The following CACHD1 variants were observed in gnomAD, a reference collection of about 807,000 sequenced individuals.
CACHD1 encodes the protein VWFA and cache domain-containing protein 1.
A neutral mutation model predicts 138.7 loss-of-function variants in CACHD1; 71 were observed. The ratio of observed to expected loss-of-function variants is 0.51; its 90% CI spans 0.42 to 0.62. CACHD1 has a LOEUF of 0.62. Among genes scored for constraint, CACHD1 ranks in the 20% least tolerant of loss-of-function variants. The probability of loss-of-function intolerance (pLI) is 0.00; values close to 1 mark genes in which losing one functional copy is unlikely to be tolerated. For missense variants in CACHD1, 1,389 were observed against 1,625.3 expected (o/e 0.85, Z 2.50); for synonymous variants, 578 against 591.5 (o/e 0.98, Z 0.33).
At chr1:64,532,476 G>A (rs180750962) in intron 1 of CACHD1, among the ~76,000 whole-genome samples, 1 of 152,302 alleles carries the variant, frequency 6.6e-6, no homozygotes, top group East Asian at 1.9e-4. Context: ...GAGGCCTGGA[G>A]GTAGGCTGGG....
At chr1:64,619,464 A>G (rs1647830296) in intron 4 of CACHD1, among the ~76,000 whole-genome samples, 1 of 152,228 alleles carries the variant, frequency 6.6e-6, no homozygotes, top group African/African-American at 2.4e-5. Flanking sequence ...GATGGAGGAA[A>G]TAGAGCTTGT....
intron 11 of CACHD1, 105 bp from the exon 12 acceptor site, chr1:64,654,581 C>T (rs910199309): frequency 1.9e-5 from 14 of 751,394 alleles, no homozygotes; most frequent in Middle Eastern, 2.4e-4. Context: ...CTTTGGTATT[C>T]GAAATCAGGA....
At chr1:64,665,947 G>C in intron 15 of CACHD1, 110 bp from the exon 16 acceptor site, 2 of 521,302 alleles carry the variant, frequency 3.8e-6, no homozygotes, top group East Asian at 7.0e-5. Flanking sequence ...GGAGCTTGCA[G>C]TGAGCTGAGA....
chr1:64,555,613 G>C (rs1646791359), intron 2 of CACHD1, among the ~76,000 whole-genome samples: 1 of 152,010 alleles, frequency 6.6e-6, no homozygotes, highest in African/African-American at 2.4e-5. Flanking sequence ...TAGAGATGGG[G>C]TTTTGCCATG....
intron 21 of CACHD1, 79 bp from the exon 22 acceptor site, chr1:64,676,816 A>ACTG: frequency 9.1e-7 from 1 of 1,097,470 alleles, no homozygotes; most frequent in Non-Finnish European, 1.4e-6. Context: ...AATCTGTCTG[A>ACTG]CTGCTGTTAA....
intron 4 of CACHD1, among the ~76,000 whole-genome samples, chr1:64,614,962 C>T (rs1294297829): frequency 6.6e-6 from 1 of 152,162 alleles, no homozygotes; most frequent in African/African-American, 2.4e-5. Context: ...TCAAAAGCCT[C>T]TGATGGCTCC....
At chr1:64,585,505 T>C (rs1647044773) in intron 3 of CACHD1, among the ~76,000 whole-genome samples, 1 of 152,214 alleles carries the variant, frequency 6.6e-6, no homozygotes, top group Admixed American at 6.5e-5. Flanking sequence ...GAGAGAATGT[T>C]CCTCCTTCAG....
chr1:64,596,433 C>T (rs1326958485), intron 3 of CACHD1, among the ~76,000 whole-genome samples: 1 of 152,172 alleles, frequency 6.6e-6, no homozygotes, highest in Admixed American at 6.5e-5. Context: ...AAACCAGACC[C>T]TGTTAGGCTG....
At chr1:64,673,893 C>G (rs1333579125) in intron 19 of CACHD1, among the ~76,000 whole-genome samples, 1 of 152,132 alleles carries the variant, frequency 6.6e-6, no homozygotes, top group Admixed American at 6.5e-5. Context: ...GATGGGAACT[C>G]TTATGTAAAT....
intron 3 of CACHD1, among the ~76,000 whole-genome samples, chr1:64,588,832 C>T (rs959391861): frequency 8.6e-5 from 13 of 152,044 alleles, no homozygotes; most frequent in East Asian, 3.9e-4. Flanking sequence ...GCATAAGCTA[C>T]GGAGGAAATA....
chr1:64,485,285 T>G (rs1287177395), intron 1 of CACHD1, among the ~76,000 whole-genome samples: 1 of 152,170 alleles, frequency 6.6e-6, no homozygotes, highest in East Asian at 1.9e-4. Flanking sequence ...CCCCCCAAAA[T>G]TATCTGATGC....
At chr1:64,672,659 T>C (rs1443250977) in intron 17 of CACHD1, among the ~76,000 whole-genome samples, 1 of 152,186 alleles carries the variant, frequency 6.6e-6, no homozygotes, top group East Asian at 1.9e-4. Context: ...TTGGAACATA[T>C]CTTCCACAGA....
chr1:64,564,384 C>G (rs1557495447), intron 2 of CACHD1, among the ~76,000 whole-genome samples: 1 of 152,144 alleles, frequency 6.6e-6, no homozygotes, highest in Non-Finnish European at 1.5e-5. Context: ...TGTGTCGCCA[C>G]CCCCTTCCCC....
chr1:64,609,401 G>C (rs1323825928), intron 4 of CACHD1, among the ~76,000 whole-genome samples: 4 of 152,134 alleles, frequency 2.6e-5, no homozygotes, highest in Admixed American at 2.6e-4. Context: ...AAGCTGTTTA[G>C]TCACTCAGAA....
At chr1:64,521,950 C>A (rs961536530) in intron 1 of CACHD1, among the ~76,000 whole-genome samples, 1 of 149,030 alleles carries the variant, frequency 6.7e-6, no homozygotes, top group Non-Finnish European at 1.5e-5. Context: ...TCCTTTGATG[C>A]ACAAAAGTTT....
At chr1:64,504,854 G>A (rs1646359391) in intron 1 of CACHD1, among the ~76,000 whole-genome samples, 1 of 152,094 alleles carries the variant, frequency 6.6e-6, no homozygotes, top group Admixed American at 6.5e-5. Context: ...ATCTGATTGA[G>A]ACACTGATCA....
At chr1:64,606,924 G>A (rs1260483562) in intron 4 of CACHD1, among the ~76,000 whole-genome samples, 2 of 152,144 alleles carry the variant, frequency 1.3e-5, no homozygotes, top group Non-Finnish European at 2.9e-5. Flanking sequence ...ATTGTGATGG[G>A]GAATGCTGGG....
rs544328605 is a variant in CACHD1, at chr1:64,682,190, G to A, written c.3586+84G>A. The A allele has an allele frequency of 3.1e-6, 4 of 1,294,420 alleles. No homozygotes were observed. The East Asian group carries it at 9.4e-5, about 30-fold the overall frequency. 80.2% of individuals were successfully genotyped at this position (1,294,420 alleles called of 1,614,324 possible). A position where few individuals can be genotyped will look rare whatever the true frequency, so the allele number is the denominator to read the frequency against. On this transcript the variant is annotated intron_variant, in intron 26 of 26. Transcript: ENST00000651257. ...GATGCTCACACCCTATTTTGACATG[G>A]TTTTCCAAAAAGACACACCCCAGCA... is the stretch of plus-strand genomic sequence containing the variant.
intron 2 of CACHD1, among the ~76,000 whole-genome samples, chr1:64,568,472 T>G (rs1163908694): frequency 6.6e-6 from 1 of 152,142 alleles, no homozygotes; most frequent in Non-Finnish European, 1.5e-5. Context: ...CTTGGAGTAC[T>G]GTTCAGCTAG....
Sources: allele counts gnomAD v4.1 joint callset (sites outside exome capture counted in the v4.1 genomes callset), GRCh38; gene constraint gnomAD v4.1.1; transcripts MANE v1.5; gene names NCBI Gene and HGNC (gene_info 2026-07-23, HGNC 2026-07-21).